KIFAP3: variants seen among roughly 807,000 people sequenced by gnomAD.
The protein encoded by KIFAP3 is kinesin-associated protein 3.
In KIFAP3, 68 loss-of-function variants were observed where a neutral mutation model predicts 106.5. That is an observed-to-expected ratio of 0.64 (90% CI 0.53 to 0.78). The LOEUF is 0.78. KIFAP3 is among the 30% of genes least tolerant of loss of function. The pLI is 0.00. For missense variants in KIFAP3, 780 were observed against 941.8 expected (o/e 0.83, Z 2.25); for synonymous variants, 320 against 311.5 (o/e 1.03, Z -0.29).
At chr1:169,951,167 A>G (rs1664709550) in intron 19 of KIFAP3, among the ~76,000 whole-genome samples, 1 of 151,864 alleles carries the variant, frequency 6.6e-6, no homozygotes, top group Admixed American at 6.6e-5. Context: ...CATTTGTTCT[A>G]TTACCTACCA....
At chr1:169,938,589 T>C (rs1663933942) in intron 19 of KIFAP3, among the ~76,000 whole-genome samples, 1 of 152,094 alleles carries the variant, frequency 6.6e-6, no homozygotes, top group Admixed American at 6.5e-5. Context: ...AAAACTTCTA[T>C]TAAACAAACG....
chr1:170,001,102 A>G (rs483103), intron 10 of KIFAP3, among the ~76,000 whole-genome samples: 142,516 of 152,086 alleles, frequency 0.94, 66,856 homozygotes, highest in East Asian at 1. Context: ...ATTTTGCCAC[A>G]CAGCTTATTT....
At chr1:169,976,031 G>A (rs1666206323) in intron 16 of KIFAP3, among the ~76,000 whole-genome samples, 2 of 152,100 alleles carry the variant, frequency 1.3e-5, no homozygotes, top group Admixed American at 1.3e-4. Context: ...GGTCAAATAG[G>A]AATTCTCTTA....
intron 19 of KIFAP3, among the ~76,000 whole-genome samples, chr1:169,949,208 A>G: frequency 6.6e-6 from 1 of 152,006 alleles, no homozygotes; most frequent in East Asian, 1.9e-4. Flanking sequence ...TATAATGCAT[A>G]AAAAAGTTAA....
At chr1:170,022,825 T>G (rs990886181) in intron 9 of KIFAP3, among the ~76,000 whole-genome samples, 7 of 152,194 alleles carry the variant, frequency 4.6e-5, no homozygotes, top group Admixed American at 3.9e-4. Flanking sequence ...TCCAATTCTA[T>G]GATCTTACCA....
intron 10 of KIFAP3, among the ~76,000 whole-genome samples, chr1:170,010,859 A>G (rs753408492): frequency 7.2e-5 from 11 of 152,066 alleles, no homozygotes; most frequent in Non-Finnish European, 1.3e-4. Context: ...AAACAGCATA[A>G]AAATCACTTA....
At chr1:169,968,680 T>C (rs1023180596) in intron 17 of KIFAP3, among the ~76,000 whole-genome samples, 1 of 151,844 alleles carries the variant, frequency 6.6e-6, no homozygotes, top group African/African-American at 2.4e-5. Context: ...ATGCACATAC[T>C]ATCTATTTCT....
chr1:170,082,552 A>C (rs1374018413), intron 1 of KIFAP3, among the ~76,000 whole-genome samples: 1 of 152,256 alleles, frequency 6.6e-6, no homozygotes, highest in Non-Finnish European at 1.5e-5. Context: ...AATTTTAAAA[A>C]TTTTGTATAA....
At chr1:169,923,503 G>A (rs143537290) in intron 19 of KIFAP3, among the ~76,000 whole-genome samples, 114 of 152,266 alleles carry the variant, frequency 7.5e-4, no homozygotes, top group African/African-American at 2.6e-3. Flanking sequence ...ATTTCAACTT[G>A]TTCCTTCTTC....
chr1:170,035,628 T>TA, intron 5 of KIFAP3, 75 bp from the exon 6 acceptor site: 1 of 836,638 alleles, frequency 1.2e-6, no homozygotes, highest in Non-Finnish European at 1.8e-6. Flanking sequence ...TTTAAATGTC[T>TA]AGTTATTAAT....
Position 170,064,631 on chromosome 1 carries a change from G to C in KIFAP3, c.33-9195C>G, listed in dbSNP as rs143377527. 6.5e-3 allele frequency among the ~76,000 whole-genome samples: 995 copies of C among 152,310 alleles called. 8 individuals carry two copies. The highest frequency in any genetic ancestry group is 9.1e-3 in the African/African-American group (377 of 41,582). On this transcript the variant is annotated intron_variant, in intron 1 of 19. Coordinates refer to ENST00000361580, the MANE Select transcript of KIFAP3 (RefSeq NM_014970.4). ...AGCCTCCCAAAGTGCTGGGATGACA[G>C]GCATGAGCCAACACACCTGGCTAGT...
chr1:169,953,523 A>C (rs1378055658), intron 19 of KIFAP3, among the ~76,000 whole-genome samples: 7 of 149,132 alleles, frequency 4.7e-5, no homozygotes. Flanking sequence ...TGTGATCCCC[A>C]TTTTTTTTTT....
At chr1:170,042,818 G>A (rs1376453163) in intron 3 of KIFAP3, among the ~76,000 whole-genome samples, 2 of 152,082 alleles carry the variant, frequency 1.3e-5, no homozygotes, top group African/African-American at 2.4e-5. Flanking sequence ...ATAATTTTCC[G>A]CTTTTGTGGG....
At chr1:170,028,672 T>C (rs1669244156) in intron 8 of KIFAP3, among the ~76,000 whole-genome samples, 1 of 152,146 alleles carries the variant, frequency 6.6e-6, no homozygotes, top group African/African-American at 2.4e-5. Context: ...ATAAGTATAA[T>C]AAATGTTAGT....
chr1:170,008,332 A>G (rs1332787242), intron 10 of KIFAP3, among the ~76,000 whole-genome samples: 1 of 151,816 alleles, frequency 6.6e-6, no homozygotes, highest in East Asian at 1.9e-4. Flanking sequence ...GTGAACAGGC[A>G]ACCTACAGAA....
chr1:169,980,326 G>A (rs962694835), intron 15 of KIFAP3, among the ~76,000 whole-genome samples: 1 of 151,856 alleles, frequency 6.6e-6, no homozygotes, highest in African/African-American at 2.4e-5. Flanking sequence ...TGAGATGAGA[G>A]TATCTTCTTC....
At chr1:170,053,689 C>A (rs555200398) in intron 2 of KIFAP3, among the ~76,000 whole-genome samples, 64 of 151,838 alleles carry the variant, frequency 4.2e-4, no homozygotes, top group Non-Finnish European at 8.1e-4. Context: ...AATAACACCA[C>A]ACATCTACAA....
chr1:170,017,553 A>T (rs1413812715), intron 9 of KIFAP3, among the ~76,000 whole-genome samples: 2 of 152,210 alleles, frequency 1.3e-5, no homozygotes, highest in Non-Finnish European at 2.9e-5. Flanking sequence ...TCATAGTATA[A>T]AGTACATGTT....
intron 1 of KIFAP3, among the ~76,000 whole-genome samples, chr1:170,084,110 T>C (rs887774358): frequency 6.6e-6 from 1 of 152,160 alleles, no homozygotes; most frequent in South Asian, 2.1e-4. Context: ...TACACCAACA[T>C]GGCTAAAGAT....
Sources: allele counts gnomAD v4.1 joint callset (sites outside exome capture counted in the v4.1 genomes callset), GRCh38; gene constraint gnomAD v4.1.1; transcripts MANE v1.5; gene names NCBI Gene and HGNC (gene_info 2026-07-23, HGNC 2026-07-21).